GRID2: variants seen among roughly 807,000 people sequenced by gnomAD.
GRID2 encodes the protein glutamate receptor ionotropic, delta-2.
GRID2 carries 33 observed loss-of-function variants against 114.8 expected under a neutral mutation model. The ratio of observed to expected loss-of-function variants is 0.29; its 90% CI spans 0.22 to 0.38. The LOEUF is 0.38. Ranked by LOEUF, GRID2 falls within the 10% of genes least tolerant of loss-of-function variation. The probability of loss-of-function intolerance (pLI) is 1.00; values close to 1 mark genes in which losing one functional copy is unlikely to be tolerated. For synonymous variants in GRID2, 505 were observed against 449.9 expected (o/e 1.12, Z -1.55); for missense variants, 1,184 against 1,257.7 (o/e 0.94, Z 0.89).
At chr4:93,484,397 GT>G (rs977042984) in intron 11 of GRID2, among the ~76,000 whole-genome samples, 11 of 151,920 alleles carry the variant, frequency 7.2e-5, no homozygotes, top group African/African-American at 2.4e-4. Context: ...CATTAATGGT[GT>G]TGTTTATAAG....
At chr4:93,292,689 G>T (rs1288776626) in intron 8 of GRID2, among the ~76,000 whole-genome samples, 1 of 152,074 alleles carries the variant, frequency 6.6e-6, no homozygotes, top group African/African-American at 2.4e-5. Flanking sequence ...AAAAATAGTG[G>T]TTTTTATCTT....
intron 1 of GRID2, among the ~76,000 whole-genome samples, chr4:92,467,852 A>C (rs1721832546): frequency 1.3e-5 from 2 of 152,034 alleles, no homozygotes; most frequent in African/African-American, 2.4e-5. Context: ...AATTGACCCC[A>C]AAAACTTATC....
chr4:92,733,300 A>C (rs1736420908), intron 2 of GRID2, among the ~76,000 whole-genome samples: 1 of 152,092 alleles, frequency 6.6e-6, no homozygotes, highest in Non-Finnish European at 1.5e-5. Flanking sequence ...TCTAACCTGT[A>C]ACTGATTAAC....
intron 14 of GRID2, among the ~76,000 whole-genome samples, chr4:93,652,784 TAAAAAAAA>T (rs200098114): frequency 0.13 from 11,356 of 86,296 alleles, 515 homozygotes; most frequent in South Asian, 0.23. Context: ...CAGTAAATGC[TAAAAAAAA>T]AAAAAAAAAA....
chr4:92,382,502 A>G (rs1465141408), intron 1 of GRID2, among the ~76,000 whole-genome samples: 1 of 152,026 alleles, frequency 6.6e-6, no homozygotes, highest in African/African-American at 2.4e-5. Flanking sequence ...AGAATAGTTG[A>G]AAAATGTAGG....
At chr4:92,362,976 G>A (rs544104784) in intron 1 of GRID2, among the ~76,000 whole-genome samples, 6 of 151,606 alleles carry the variant, frequency 4.0e-5, no homozygotes, top group Non-Finnish European at 8.8e-5. Context: ...TCTAATACAA[G>A]ACTTCATATA....
intron 3 of GRID2, among the ~76,000 whole-genome samples, chr4:93,093,694 C>T (rs927753879): frequency 1.8e-4 from 27 of 151,990 alleles, no homozygotes; most frequent in Non-Finnish European, 3.1e-4. Context: ...TCCCCCAGGG[C>T]TGGATAGGTG....
chr4:93,242,419 TTTAAA>T (rs1747640358), intron 8 of GRID2, among the ~76,000 whole-genome samples: 1 of 152,012 alleles, frequency 6.6e-6, no homozygotes, highest in African/African-American at 2.4e-5. Flanking sequence ...ACTGAATAAA[TTTAAA>T]TTAATGTAGG....
chr4:92,415,786 T>A, intron 1 of GRID2, among the ~76,000 whole-genome samples: 1 of 104,730 alleles, frequency 9.5e-6, no homozygotes, highest in Non-Finnish European at 2.0e-5. Context: ...ATATATCACA[T>A]TTTCTTTATT....
chr4:93,708,751 TCTTTC>T (rs956807370), intron 14 of GRID2, among the ~76,000 whole-genome samples: 4 of 151,892 alleles, frequency 2.6e-5, no homozygotes, highest in Non-Finnish European at 5.9e-5. Flanking sequence ...TTCTTTCCTT[TCTTTC>T]CTTTCTTTCC....
At chr4:93,785,055 A>G (rs1734564945) in intron 1 of GRID2, among the ~76,000 whole-genome samples, 1 of 152,196 alleles carries the variant, frequency 6.6e-6, no homozygotes, top group Non-Finnish European at 1.5e-5. Flanking sequence ...TTTTAGGCAA[A>G]GAGAAAGATC....
chr4:92,735,311 AGCC>A (rs1736539151), intron 2 of GRID2, among the ~76,000 whole-genome samples: 1 of 152,126 alleles, frequency 6.6e-6, no homozygotes, highest in Non-Finnish European at 1.5e-5. Context: ...TATACATAGA[AGCC>A]TAAGATAAAG....
intron 10 of GRID2, among the ~76,000 whole-genome samples, chr4:93,432,218 G>A (rs1277026561): frequency 2.6e-5 from 4 of 152,206 alleles, no homozygotes; most frequent in African/African-American, 9.6e-5. Flanking sequence ...ATTGCTGCTA[G>A]TTTACACAAC....
At chr4:92,730,479 A>C (rs1736280383) in intron 2 of GRID2, among the ~76,000 whole-genome samples, 1 of 151,954 alleles carries the variant, frequency 6.6e-6, no homozygotes, top group Admixed American at 6.6e-5. Flanking sequence ...ATTTTAACAG[A>C]GCTAAATTCA....
rs770285018 is a variant in GRID2, at chr4:93,395,721, T to A, written c.1347+13T>A. 25 of 1,186,290 alleles carry A rather than the reference T, an allele frequency of 2.1e-5. No homozygotes were observed. The highest frequency in any genetic ancestry group is 3.1e-5 in the Non-Finnish European group (25 of 795,682). 73.5% of individuals were successfully genotyped at this position (1,186,290 alleles called of 1,614,324 possible). On this transcript the variant is annotated intron_variant, in intron 9 of 15. Coordinates refer to ENST00000282020, the MANE Select transcript of GRID2 (RefSeq NM_001510.4). ...AGTAACTGTTCTGGTAAGTATTATC[T>A]GAGCCTCGTGGTTTTGACTTTTGGA...
intron 1 of GRID2, among the ~76,000 whole-genome samples, chr4:92,434,341 G>T (rs1579352299): frequency 6.6e-6 from 1 of 152,176 alleles, no homozygotes; most frequent in East Asian, 1.9e-4. Context: ...CTGGATCAAG[G>T]AGTATGTGTA....
chr4:92,482,307 G>T (rs2149105921), intron 1 of GRID2, among the ~76,000 whole-genome samples: 1 of 151,936 alleles, frequency 6.6e-6, no homozygotes, highest in East Asian at 2.0e-4. Flanking sequence ...GGGAGCAATA[G>T]ACACTGTGGA....
chr4:93,592,604 G>C (rs543925066), intron 13 of GRID2, among the ~76,000 whole-genome samples: 1 of 151,936 alleles, frequency 6.6e-6, no homozygotes, highest in African/African-American at 2.4e-5. Context: ...TCAATTCCTC[G>C]GTATCCTTGT....
intron 10 of GRID2, among the ~76,000 whole-genome samples, chr4:93,427,405 C>T (rs190242219): frequency 6.6e-6 from 1 of 151,932 alleles, no homozygotes. Flanking sequence ...TAAATGTTGC[C>T]ACTAAATATC....
Sources: allele counts gnomAD v4.1 joint callset (sites outside exome capture counted in the v4.1 genomes callset), GRCh38; gene constraint gnomAD v4.1.1; transcripts MANE v1.5; gene names NCBI Gene and HGNC (gene_info 2026-07-23, HGNC 2026-07-21).